PRAMEF10: variants seen among roughly 807,000 people sequenced by gnomAD.
PRAMEF10 encodes PRAME family member 10.
Under a neutral mutation model 27.7 loss-of-function variants are expected in PRAMEF10, and 4 were observed. The observed-to-expected ratio is 0.14, with a 90% CI of 0.07 to 0.33. PRAMEF10 has a LOEUF of 0.33. Ranked by LOEUF, PRAMEF10 falls within the 10% of genes least tolerant of loss-of-function variation. The pLI is 1.00. For missense variants in PRAMEF10, 99 were observed against 453.9 expected (o/e 0.22, Z 7.10); for synonymous variants, 46 against 176.0 (o/e 0.26, Z 5.85).
At chr1:12,894,049 A>G (rs1486918211) in intron 3 of PRAMEF10, among the ~76,000 whole-genome samples, 1 of 149,392 alleles carries the variant, frequency 6.7e-6, no homozygotes, top group Non-Finnish European at 1.5e-5. Flanking sequence ...AGCTGGGATT[A>G]CAGGTGCCTG....
In PRAMEF10 at chr1:12,893,033, C is replaced by A. The variant is rs1641150070; in HGVS notation, c.1308G>T (p.Glu436Asp). ...TGACTTCCCTGAGTGTACGCATCAG[C>A]TCAGCCCGAATTGGGGTGAGGATCT... is the stretch of plus-strand genomic sequence containing the variant. The part of the protein sequence containing the change: ...NWEILTPIRA[E>D]LMRTLREVRQ... The change falls in exon 4 of 4, where the codon GAG becomes GAT. Residue 436 changes from glutamate (E) to aspartate (D), a missense_variant. Physicochemically the swap from Glu to Asp is conservative, Grantham distance 45 (BLOSUM62 2). Coordinates refer to ENST00000235347, the MANE Select transcript of PRAMEF10 (RefSeq NM_001039361.4). 5 of 1,596,718 alleles carry A rather than the reference C, an allele frequency of 3.1e-6. No individual in the cohort carries two copies. Among genetic ancestry groups the A allele is most frequent in the Non-Finnish European group, 4.3e-6 (5 of 1,169,620 alleles).
At chr1:12,897,656 A>C (rs1641226785) in intron 1 of PRAMEF10, among the ~76,000 whole-genome samples, 1 of 149,666 alleles carries the variant, frequency 6.7e-6, no homozygotes, top group Non-Finnish European at 1.5e-5. Flanking sequence ...CAGGAGTTTG[A>C]GACCAACTTG....
chr1:12,897,650 A>G (rs1194967821), intron 1 of PRAMEF10, among the ~76,000 whole-genome samples: 4 of 149,634 alleles, frequency 2.7e-5, no homozygotes, highest in African/African-American at 1.0e-4. Context: ...TGAGGTCAGG[A>G]GTTTGAGACC....
At position 12,893,473 on chromosome 1, in the gene PRAMEF10, A is replaced by T. The variant is rs1641163596; in HGVS notation, c.868T>A (p.Tyr290Asn). The change falls in exon 4 of 4, where the codon TAC becomes AAC. Residue 290 changes from tyrosine to asparagine, a missense_variant and splice_region_variant. Tyr to Asn is a moderately radical substitution (Grantham distance 143, BLOSUM62 -2). Transcript: ENST00000235347. ...IKEHLEHLLR[Y>N]LKNPLGAFIF... ...AAGGCCCCCAAGGGGTTCTTGAGGT[A>T]CCTGGGGAGAGCAAGAAGTTAGTTA... is the stretch of plus-strand genomic sequence containing the variant. The T allele has an allele frequency of 6.3e-7, 1 of 1,592,778 alleles. No individual in the cohort carries two copies. Among genetic ancestry groups the T allele is most frequent in the Non-Finnish European group, 8.6e-7 (1 of 1,169,068 alleles).
At chr1:12,897,685 C>T (rs1193030268) in intron 1 of PRAMEF10, among the ~76,000 whole-genome samples, 4 of 149,122 alleles carry the variant, frequency 2.7e-5, no homozygotes, top group Admixed American at 6.7e-5. Context: ...GGTGAAACCC[C>T]ACCTCTACTA....
In PRAMEF10 at chr1:12,893,316, A is replaced by G. The variant is rs199939975; in HGVS notation, c.1025T>C (p.Val342Ala). The change falls in exon 4 of 4, where the codon GTT (valine) becomes GCT (alanine). Residue 342 changes from valine (V) to alanine (A), a missense_variant. Physicochemically the swap from Val to Ala is moderately conservative, Grantham distance 64 (BLOSUM62 0). Transcript: ENST00000235347. ...MWTTNLEPLG[V>A]LLEKVAATLK... is the part of the protein sequence containing the mutation. ...AGTAGCAGCAACTTTCTCCAGCAGAACTCCAAGGGGCTCAAGATTGGTGGT... is the reference window on the plus strand; with the variant it reads ...AGTAGCAGCAACTTTCTCCAGCAGAGCTCCAAGGGGCTCAAGATTGGTGGT... 0.012 allele frequency: 18,713 copies of G among 1,514,966 alleles called. 55 individuals are homozygous for G. The highest frequency in any genetic ancestry group is 0.047 in the African/African-American group (3,198 of 67,580). 93.8% of individuals were successfully genotyped at this position (1,514,966 alleles called of 1,614,324 possible).
chr1:12,896,719 A>AAG (rs930420187), intron 1 of PRAMEF10, among the ~76,000 whole-genome samples: 12 of 34,200 alleles, frequency 3.5e-4, no homozygotes, highest in African/African-American at 7.5e-4. Context: ...AGATTCAAAA[A>AAG]AGAGAGAGAG....
intron 1 of PRAMEF10, among the ~76,000 whole-genome samples, chr1:12,896,382 C>T (rs921229014): frequency 2.0e-5 from 3 of 150,832 alleles, no homozygotes; most frequent in African/African-American, 4.9e-5. Flanking sequence ...ATGCATCATT[C>T]GCAAGACACA....
Position 12,894,180 on chromosome 1 carries a change from T to C in PRAMEF10, c.866+406A>G, listed in dbSNP as rs1282592111. 3.3e-3 allele frequency among the ~76,000 whole-genome samples: 494 copies of C among 149,296 alleles called. 2 individuals carry two copies. Among genetic ancestry groups the C allele is most frequent in the African/African-American group, 0.012 (480 of 40,646 alleles). On this transcript the variant is annotated intron_variant, in intron 3 of 3. Transcript: ENST00000235347. The stretch of plus-strand genomic sequence containing the variant: ...TCCCTGCCTTGGCCTCCCGAAGTGC[T>C]GGGATTACAGGCATGAGACACCACA...
rs575982421 is a variant in PRAMEF10, at chr1:12,896,148, G to T, written c.-25-276C>A. On this transcript the variant is annotated intron_variant, in intron 1 of 3. Coordinates refer to ENST00000235347, the MANE Select transcript of PRAMEF10 (RefSeq NM_001039361.4). Reference sequence around the variant, plus strand: ...TCATAGCACTGGGAAATGTTACCGAGGATCTCTGAAGCTCGGATCTCATGC... The same window carrying T: ...TCATAGCACTGGGAAATGTTACCGATGATCTCTGAAGCTCGGATCTCATGC... Among the ~76,000 whole-genome samples the T allele has an allele frequency of 1.8e-3, 266 of 146,556 alleles. 2 individuals are homozygous for T. Among genetic ancestry groups the T allele is most frequent in the African/African-American group, 6.4e-3 (254 of 39,594 alleles).
At chr1:12,896,270 C>CT (rs1296088747) in intron 1 of PRAMEF10, among the ~76,000 whole-genome samples, 11 of 149,522 alleles carry the variant, frequency 7.4e-5, no homozygotes, top group Admixed American at 2.7e-4. Context: ...ACATTCCACC[C>CT]GCCTTGGCCT....
At position 12,892,963 on chromosome 1, in the gene PRAMEF10, A is replaced by G. The variant is rs1641147761; in HGVS notation, c.1378T>C (p.Cys460Arg). 1 of 1,570,522 alleles carries G rather than the reference A, an allele frequency of 6.4e-7. No individual in the cohort carries two copies. The highest frequency in any genetic ancestry group is 1.7e-5 in the Admixed American group (1 of 57,476). Reference sequence around the variant, plus strand: ...ACTTTCTCAGATGGCCATGAGCCACAGTTAGGGCAAGGGACGGGACCAAAG... The same window carrying G: ...ACTTTCTCAGATGGCCATGAGCCACGGTTAGGGCAAGGGACGGGACCAAAG... The part of the protein sequence containing the change: ...IFFGPVPCPN[C>R]GSWPSEKVDF... The change falls in exon 4 of 4, where the codon TGT (cysteine) becomes CGT (arginine). Residue 460 changes from cysteine (C) to arginine (R), a missense_variant. Coordinates refer to ENST00000235347, the MANE Select transcript of PRAMEF10 (RefSeq NM_001039361.4).
Position 12,893,319 on chromosome 1 carries a change from C to T in PRAMEF10, c.1022G>A (p.Gly341Glu). Residue 341 changes from glycine to glutamate, a missense_variant, in exon 4 of 4, where the codon GGA becomes GAA. Coordinates refer to ENST00000235347, the MANE Select transcript of PRAMEF10 (RefSeq NM_001039361.4). ...LMWTTNLEPLGVLLEKVAATL... is the reference protein window; with the variant it reads ...LMWTTNLEPLEVLLEKVAATL... ...AGCAGCAACTTTCTCCAGCAGAACT[C>T]CAAGGGGCTCAAGATTGGTGGTCCA... 1.2e-6 allele frequency: 2 copies of T among 1,611,782 alleles called. No individual in the cohort carries two copies. The highest frequency in any genetic ancestry group is 8.5e-7 in the Non-Finnish European group (1 of 1,179,836).
Position 12,892,976 on chromosome 1 carries a change from G to A in PRAMEF10, c.1365C>T (p.Val455=). 5.1e-6 allele frequency: 8 copies of A among 1,572,870 alleles called. 1 individual carries two copies. Among genetic ancestry groups the A allele is most frequent in the Non-Finnish European group, 6.9e-6 (8 of 1,151,942 alleles). The change falls in exon 4 of 4, where the codon GTC becomes GTT. Residue 455 remains valine, a synonymous_variant. Coordinates refer to ENST00000235347, the MANE Select transcript of PRAMEF10 (RefSeq NM_001039361.4). ...GCCATGAGCCACAGTTAGGGCAAGGGACGGGACCAAAGAAGATCCTCTTGG... is the reference window on the plus strand; with the variant it reads ...GCCATGAGCCACAGTTAGGGCAAGGAACGGGACCAAAGAAGATCCTCTTGG... ...RQPKRIFFGP[V]PCPNCGSWPS... is the part of the protein sequence containing the mutation.
At chr1:12,893,849 T>C (rs1194980414) in intron 3 of PRAMEF10, among the ~76,000 whole-genome samples, 1 of 124,600 alleles carries the variant, frequency 8.0e-6, no homozygotes, top group African/African-American at 3.1e-5. Flanking sequence ...AAACAACGTT[T>C]TACAGACAGG....
chr1:12,894,191 G>A (rs1364409573), intron 3 of PRAMEF10, among the ~76,000 whole-genome samples: 20 of 148,282 alleles, frequency 1.3e-4, no homozygotes, highest in African/African-American at 4.9e-4. Context: ...GGGATTACAG[G>A]CATGAGACAC....
Position 12,893,245 on chromosome 1 carries a change from G to A in PRAMEF10, c.1096C>T (p.Leu366Phe), listed in dbSNP as rs1217872419. 1 of 1,609,490 alleles carries A rather than the reference G, an allele frequency of 6.2e-7. No homozygotes were observed. Among genetic ancestry groups the A allele is most frequent in the Non-Finnish European group, 8.5e-7 (1 of 1,178,020 alleles). ...LKDCRIQDPQ[L>F]RVLLPALSHC... ...CTCAGGGCAGGCAGGAGGACCCTGA[G>A]TTGGGGGTCCTGGATCCGACAGTCC... Residue 366 changes from leucine (L) to phenylalanine (F), a missense_variant, in exon 4 of 4, where the codon CTC becomes TTC. By Grantham distance (22) the Leu-to-Phe change is conservative. Transcript: ENST00000235347.
Position 12,895,088 on chromosome 1 carries a change from G to A in PRAMEF10, c.364C>T (p.Leu122Phe), listed in dbSNP as rs551596639. ...FWTIWSGARVLSCSPEAMSKR... is the reference protein window; with the variant it reads ...FWTIWSGARVFSCSPEAMSKR... ...CTCATGGCCTCTGGGGAGCAGGAGA[G>A]GACCCTGGCTCCAGACCATATGGTC... is the stretch of plus-strand genomic sequence containing the variant. Residue 122 changes from leucine (L) to phenylalanine (F), a missense_variant, in exon 3 of 4, where the codon CTC becomes TTC. Physicochemically the swap from Leu to Phe is conservative, Grantham distance 22. Coordinates refer to ENST00000235347, the MANE Select transcript of PRAMEF10 (RefSeq NM_001039361.4). 1.2e-5 allele frequency: 18 copies of A among 1,494,898 alleles called. 1 individual carries two copies. In the South Asian group the frequency reaches 1.5e-4, roughly 12 times the overall value. 92.6% of individuals were successfully genotyped at this position (1,494,898 alleles called of 1,614,324 possible).
At position 12,893,247 on chromosome 1, in the gene PRAMEF10, T is replaced by A; in HGVS notation, c.1094A>T (p.Gln365Leu). Residue 365 changes from glutamine (Q) to leucine (L), a missense_variant, in exon 4 of 4, where the codon CAA becomes CTA. Transcript: ENST00000235347. Reference sequence around the variant, plus strand: ...CAGGGCAGGCAGGAGGACCCTGAGTTGGGGGTCCTGGATCCGACAGTCCTT... The same window carrying A: ...CAGGGCAGGCAGGAGGACCCTGAGTAGGGGGTCCTGGATCCGACAGTCCTT... ...VLKDCRIQDP[Q>L]LRVLLPALSH... 6.2e-7 allele frequency: 1 copy of A among 1,610,272 alleles called. No homozygotes were observed. Among genetic ancestry groups the A allele is most frequent in the Non-Finnish European group, 8.5e-7 (1 of 1,178,742 alleles).
Sources: gnomAD v4.1 joint callset for allele counts (sites outside exome capture counted in the v4.1 genomes callset) on GRCh38, gnomAD v4.1.1 for gene constraint, MANE v1.5 for transcripts, NCBI Gene and HGNC (gene_info 2026-07-23, HGNC 2026-07-21) for gene names.